DSC2: variants seen among roughly 807,000 people sequenced by gnomAD.
DSC2 encodes the protein desmocollin-2.
Under a neutral mutation model 87.6 loss-of-function variants are expected in DSC2, and 51 were observed. That is an observed-to-expected ratio of 0.58 (90% CI 0.46 to 0.74). DSC2 has a LOEUF of 0.74. Among genes scored for constraint, DSC2 ranks in the 30% least tolerant of loss-of-function variants. DSC2 has a pLI of 0.00. For missense variants in DSC2, 1,066 were observed against 1,089.5 expected, an observed-to-expected ratio of 0.98 and a Z score of 0.30; for synonymous variants, 383 against 393.2, an observed-to-expected ratio of 0.97 and a Z score of 0.31.
intron 9 of DSC2, among the ~76,000 whole-genome samples, chr18:31,080,942 A>T (rs573380389): frequency 1.3e-5 from 2 of 152,190 alleles, no homozygotes; most frequent in Non-Finnish European, 2.9e-5. Context: ...GCTGGAAAAA[A>T]AAAAGGACAG....
chr18:31,087,522 A>G, intron 6 of DSC2, 147 bp downstream of exon 6: 1 of 959,054 alleles, frequency 1.0e-6, no homozygotes, highest in South Asian at 1.4e-5. Flanking sequence ...CAAGCATCAC[A>G]CAGCTAGTGA....
chr18:31,093,421 G>C (rs1987664558), intron 2 of DSC2, 138 bp downstream of exon 2: 2 of 555,820 alleles, frequency 3.6e-6, no homozygotes, highest in Admixed American at 4.5e-5. Flanking sequence ...TTAGTTTGCT[G>C]AGAATAATTG....
chr18:31,073,299 G>GA (rs1190939293), intron 12 of DSC2, among the ~76,000 whole-genome samples: 4 of 150,714 alleles, frequency 2.7e-5, no homozygotes, highest in African/African-American at 4.9e-5. Context: ...AAGTAGAAAA[G>GA]AAAAAAATCT....
Position 31,092,116 on chromosome 18 carries a change from CA to C in DSC2, c.338del (p.Leu113TrpfsTer8). ...NQEKKKIFVF[L>X]EHQTKVLKKR... ...CCTTGTATACCTTTGTTTGATGCTC[CA>C]AAAAGACAAATATTTTCTTCTTTTC... is the stretch of plus-strand genomic sequence containing the variant. On this transcript the variant is annotated frameshift_variant, in exon 3 of 16. Coordinates refer to ENST00000280904, the MANE Select transcript of DSC2 (RefSeq NM_024422.6). LOFTEE classifies it high-confidence loss of function. 1 of 1,612,400 alleles carries C rather than the reference CA, an allele frequency of 6.2e-7. No homozygotes were observed. Among genetic ancestry groups the C allele is most frequent in the Non-Finnish European group, 8.5e-7 (1 of 1,179,202 alleles).
rs267605147 is a variant in DSC2 at position 31,082,363 on chromosome 18, C to A, written c.1138G>T (p.Asp380Tyr). ...TTAGCAGTATTCACTAAGTCCTTAT[C>A]CTCAACAGTAACTCGTAAGATTTCC... ...DVEILRVTVE[D>Y]KDLVNTANWR... is the part of the protein sequence containing the mutation. Residue 380 changes from aspartate (D) to tyrosine (Y), a missense_variant, in exon 9 of 16, where the codon GAT becomes TAT. Coordinates refer to ENST00000280904, the MANE Select transcript of DSC2 (RefSeq NM_024422.6). 6.2e-7 allele frequency: 1 copy of A among 1,613,870 alleles called. No individual in the cohort carries two copies. Among genetic ancestry groups the A allele is most frequent in the Admixed American group, 1.7e-5 (1 of 60,012 alleles).
Position 31,074,421 on chromosome 18 carries a change from ATGTGTGTGTGTGTGTG to A in DSC2, c.1888+246_1888+261del, listed in dbSNP as rs71175757. Among the ~76,000 whole-genome samples the A allele has an allele frequency of 6.2e-3, 872 of 140,038 alleles. 4 individuals carry two copies. Among genetic ancestry groups the A allele is most frequent in the African/African-American group, 9.6e-3 (362 of 37,576 alleles). 91.9% of individuals were successfully genotyped at this position (140,038 alleles called of 152,430 possible). ...AGAGAGAAAGAGAGAAAGAGAAAAA[ATGTGTGTGTGTGTGTG>A]TGTGTGTGTGTGTGTGTGTGTGTGT... is the stretch of plus-strand genomic sequence containing the variant. On this transcript the variant is annotated intron_variant, in intron 12 of 15. Transcript: ENST00000280904.
At chr18:31,077,420 T>C (rs1987060646) in intron 11 of DSC2, among the ~76,000 whole-genome samples, 1 of 152,230 alleles carries the variant, frequency 6.6e-6, no homozygotes, top group South Asian at 2.1e-4. Context: ...ATCTGGTTAA[T>C]TGTGCTATCT....
intron 4 of DSC2, 141 bp downstream of exon 4, chr18:31,090,887 C>T (rs1361268331): frequency 4.0e-6 from 5 of 1,239,654 alleles, no homozygotes; most frequent in Non-Finnish European, 5.7e-6. Context: ...ATATTTATAC[C>T]CTTATATGGA....
intron 3 of DSC2, 65 bp downstream of exon 3, chr18:31,092,036 C>G: frequency 6.7e-7 from 1 of 1,499,598 alleles, no homozygotes; most frequent in Non-Finnish European, 9.2e-7. Context: ...TTCATATCTT[C>G]CCTGGTAATG....
At chr18:31,069,495 A>G (rs1348455536) in intron 14 of DSC2, among the ~76,000 whole-genome samples, 3 of 152,056 alleles carry the variant, frequency 2.0e-5, no homozygotes, top group Non-Finnish European at 2.9e-5. Context: ...CAAGCAGATC[A>G]CTTGAAATGA....
intron 14 of DSC2, among the ~76,000 whole-genome samples, chr18:31,070,126 C>T (rs74417477): frequency 1.3e-5 from 2 of 152,140 alleles, no homozygotes; most frequent in East Asian, 1.9e-4. Context: ...TACTGTCATG[C>T]TTTTGTTTTC....
chr18:31,090,532 A>G (rs1987556116), intron 4 of DSC2, among the ~76,000 whole-genome samples: 1 of 152,118 alleles, frequency 6.6e-6, no homozygotes, highest in South Asian at 2.1e-4. Flanking sequence ...AACCAGCCTA[A>G]GCAACATAGT....
Position 31,059,635 on chromosome 18 carries a change from G to A in DSC2, c.*8380C>T, listed in dbSNP as rs1189690409. The A allele has an allele frequency of 1.3e-5, 2 of 152,022 alleles. No individual in the cohort carries two copies. The highest frequency in any genetic ancestry group is 4.8e-5 in the African/African-American group (2 of 41,392). The allele number at this position is 152,022 out of a possible 1,614,324, so 9.4% of individuals were successfully genotyped here. ...ATGTTATAAATTATAAATGCTTGTGGTAAAATGAAAACATGGAAACACACA... is the reference window on the plus strand; with the variant it reads ...ATGTTATAAATTATAAATGCTTGTGATAAAATGAAAACATGGAAACACACA... On this transcript the variant is annotated 3_prime_UTR_variant, in exon 16 of 16. Transcript: ENST00000280904.
chr18:31,099,835 A>AG (rs1040364765), intron 1 of DSC2, among the ~76,000 whole-genome samples: 2 of 152,118 alleles, frequency 1.3e-5, no homozygotes, highest in African/African-American at 4.8e-5. Context: ...ATGGGAAGGA[A>AG]GGAAGGTAAA....
rs1277915515 is a variant in DSC2 at position 31,059,561 on chromosome 18, C to T, written c.*8454G>A. ...CTGTAAGCTCCCCAAATTCTAAAGCCTGTGAGTTTTTCTTGCTCTGTATTT... is the reference window on the plus strand; with the variant it reads ...CTGTAAGCTCCCCAAATTCTAAAGCTTGTGAGTTTTTCTTGCTCTGTATTT... On this transcript the variant is annotated 3_prime_UTR_variant, in exon 16 of 16. Coordinates refer to ENST00000280904, the MANE Select transcript of DSC2 (RefSeq NM_024422.6). 6.6e-6 allele frequency: 1 copy of T among 152,122 alleles called. No individual in the cohort carries two copies. The highest frequency in any genetic ancestry group is 1.5e-5 in the Non-Finnish European group (1 of 68,016). 9.4% of individuals were successfully genotyped at this position (152,122 alleles called of 1,614,324 possible).
In DSC2 at chr18:31,063,435, A is replaced by G. The variant is rs935330546; in HGVS notation, c.*4580T>C. ...TACATGAAAGAAAAGAAACACACACACAAACCTGTAGATGAAAACTTTACA... is the reference window on the plus strand; with the variant it reads ...TACATGAAAGAAAAGAAACACACACGCAAACCTGTAGATGAAAACTTTACA... On this transcript the variant is annotated 3_prime_UTR_variant, in exon 16 of 16. Transcript: ENST00000280904. 2 of 152,126 alleles carry G rather than the reference A, an allele frequency of 1.3e-5. No individual in the cohort carries two copies. The highest frequency in any genetic ancestry group is 2.4e-5 in the African/African-American group (1 of 41,424). 9.4% of individuals were successfully genotyped at this position (152,126 alleles called of 1,614,324 possible). A position where few individuals can be genotyped will look rare whatever the true frequency, so the allele number is the denominator to read the frequency against.
At chr18:31,090,199 A>G (rs2144840830) in intron 4 of DSC2, among the ~76,000 whole-genome samples, 1 of 152,312 alleles carries the variant, frequency 6.6e-6, no homozygotes, top group Admixed American at 6.5e-5. Context: ...GTAACATCCT[A>G]TCTTTATATC....
chr18:31,075,112 A>C (rs1280298513), intron 11 of DSC2, among the ~76,000 whole-genome samples: 1 of 152,216 alleles, frequency 6.6e-6, no homozygotes, highest in African/African-American at 2.4e-5. Context: ...ACTGCTATTA[A>C]GATGTGTTTA....
chr18:31,064,449 T>C lies in DSC2; in HGVS notation c.*3566A>G, dbSNP rs1366701657. 3 of 152,198 alleles carry C rather than the reference T, an allele frequency of 2.0e-5. No homozygotes were observed. Among genetic ancestry groups the C allele is most frequent in the East Asian group, 3.9e-4 (2 of 5,190 alleles). The allele number at this position is 152,198 out of a possible 1,614,324, so 9.4% of individuals were successfully genotyped here. On this transcript the variant is annotated 3_prime_UTR_variant, in exon 16 of 16. Transcript: ENST00000280904. ...AGTATTTAATGAATGAAATTGTGTC[T>C]ACAATTCTCAAAAGTTTGGCAGTTT...
Sources: gnomAD v4.1 joint callset for allele counts (sites outside exome capture counted in the v4.1 genomes callset) on GRCh38, gnomAD v4.1.1 for gene constraint, MANE v1.5 for transcripts, NCBI Gene and HGNC (gene_info 2026-07-23, HGNC 2026-07-21) for gene names.